Variants in STRIP2 observed in about 807,000 individuals in gnomAD.
STRIP2 encodes striatin-interacting protein 2.
STRIP2 carries 84 observed loss-of-function variants against 107.1 expected under a neutral mutation model. That is an observed-to-expected ratio of 0.78 (90% CI 0.66 to 0.94). STRIP2 has a LOEUF of 0.94. STRIP2 is among the 40% of genes least tolerant of loss of function. The pLI is 0.00. For missense variants in STRIP2, 888 were observed against 1,034.2 expected, an observed-to-expected ratio of 0.86 and a Z score of 1.94; for synonymous variants, 394 against 400.4, an observed-to-expected ratio of 0.98 and a Z score of 0.19.
At chr7:129,436,855 C>G (rs1371049735) in intron 1 of STRIP2, among the ~76,000 whole-genome samples, 1 of 152,108 alleles carries the variant, frequency 6.6e-6, no homozygotes, top group Admixed American at 6.6e-5. Context: ...GTGTGAACAT[C>G]CCAACCTAAA....
At chr7:129,448,444 C>T (rs1243476293) in intron 3 of STRIP2, among the ~76,000 whole-genome samples, 1 of 152,182 alleles carries the variant, frequency 6.6e-6, no homozygotes, top group African/African-American at 2.4e-5. Context: ...CTCAAGGGAA[C>T]CCGGCCTCCC....
chr7:129,483,231 T>A lies in STRIP2; in HGVS notation c.2254+185T>A. 1 of 1,327,434 alleles carries A rather than the reference T, an allele frequency of 7.5e-7. No individual in the cohort carries two copies. Among genetic ancestry groups the A allele is most frequent in the African/African-American group, 1.5e-5 (1 of 68,586 alleles). 82.2% of individuals were successfully genotyped at this position (1,327,434 alleles called of 1,614,324 possible). A position where few individuals can be genotyped will look rare whatever the true frequency, so the allele number is the denominator to read the frequency against. ...ATGCCTCAAATTCTAGTATGTACCCTTGTCCTATGTAAACTATGAAAATCC... is the reference window on the plus strand; with the variant it reads ...ATGCCTCAAATTCTAGTATGTACCCATGTCCTATGTAAACTATGAAAATCC... On this transcript the variant is annotated intron_variant, in intron 20 of 20. Coordinates refer to ENST00000249344, the MANE Select transcript of STRIP2 (RefSeq NM_020704.3). The surrounding 1 kb of genome is among the most constrained non-coding windows in gnomAD (Gnocchi z 5.1).
At chr7:129,451,476 T>A in intron 3 of STRIP2, 137 bp from the exon 4 acceptor site, 1 of 1,189,986 alleles carries the variant, frequency 8.4e-7, no homozygotes, top group Non-Finnish European at 1.2e-6. Context: ...TTATTCTTTC[T>A]CAGTGAAATA....
At chr7:129,482,407 T>C (rs995520110) in intron 19 of STRIP2, among the ~76,000 whole-genome samples, 3 of 136,940 alleles carry the variant, frequency 2.2e-5, no homozygotes, top group African/African-American at 8.1e-5. Context: ...AGACGGAGTC[T>C]TGCTCTGTCA....
intron 1 of STRIP2, among the ~76,000 whole-genome samples, chr7:129,438,598 T>A (rs1797814384): frequency 6.6e-6 from 1 of 152,162 alleles, no homozygotes; most frequent in Admixed American, 6.5e-5. Context: ...CAACTGGATG[T>A]CCTACAGTTC....
At chr7:129,472,627 G>T (rs1798812853) in intron 18 of STRIP2, among the ~76,000 whole-genome samples, 1 of 151,978 alleles carries the variant, frequency 6.6e-6, no homozygotes, top group Admixed American at 6.6e-5. Flanking sequence ...TAGGTCCTCA[G>T]TATGGTTTAT....
intron 19 of STRIP2, 106 bp from the exon 20 acceptor site, chr7:129,482,736 G>A: frequency 1.5e-6 from 2 of 1,323,388 alleles, no homozygotes; most frequent in South Asian, 2.6e-5. Context: ...ATTCCTGAAA[G>A]CTCCCCAGGA....
rs753878482 is a variant in STRIP2 at position 129,460,388 on chromosome 7, C to CCTA, written c.1476+18_1476+20dup. Reference sequence around the variant, plus strand: ...TATGTCTTTGGTGAGCCAAGGAAGCCCTACACAGGAGGAGAGTAGAAGAAA... The same window carrying CCTA: ...TATGTCTTTGGTGAGCCAAGGAAGCCCTACTACACAGGAGGAGAGTAGAAGAAA... On this transcript the variant is annotated intron_variant, in intron 13 of 20. Transcript: ENST00000249344. The CCTA allele has an allele frequency of 6.2e-7, 1 of 1,610,466 alleles. No individual in the cohort carries two copies. The highest frequency in any genetic ancestry group is 8.5e-7 in the Non-Finnish European group (1 of 1,177,602).
chr7:129,466,912 G>T (rs1412262169), intron 16 of STRIP2, among the ~76,000 whole-genome samples: 1 of 152,194 alleles, frequency 6.6e-6, no homozygotes, highest in East Asian at 1.9e-4. Context: ...TGGTTATTAT[G>T]TGCTGTCACC....
chr7:129,481,989 G>A (rs767438034), intron 19 of STRIP2, among the ~76,000 whole-genome samples: 8 of 151,718 alleles, frequency 5.3e-5, no homozygotes, highest in Non-Finnish European at 7.4e-5. Flanking sequence ...CCAACATGAT[G>A]AAACCCCATC....
rs373690551 is a variant in STRIP2 at position 129,463,003 on chromosome 7, T to C, written c.1514T>C (p.Leu505Pro). Residue 505 changes from leucine (L) to proline (P), a missense_variant, in exon 14 of 21, where the codon CTC (leucine) becomes CCC (proline). Coordinates refer to ENST00000249344, the MANE Select transcript of STRIP2 (RefSeq NM_020704.3). ...EVVPETPCEILYQGMLYSLPQ... is the reference protein window; with the variant it reads ...EVVPETPCEIPYQGMLYSLPQ... ...GTACCAGAGACGCCATGTGAAATCCTCTACCAGGGAATGCTGTACAGCCTT... is the reference window on the plus strand; with the variant it reads ...GTACCAGAGACGCCATGTGAAATCCCCTACCAGGGAATGCTGTACAGCCTT... 1.4e-5 allele frequency: 22 copies of C among 1,613,998 alleles called. No individual in the cohort carries two copies. Among genetic ancestry groups the C allele is most frequent in the Non-Finnish European group, 1.9e-5 (22 of 1,179,964 alleles).
At chr7:129,481,633 C>T (rs1000284331) in intron 19 of STRIP2, among the ~76,000 whole-genome samples, 16 of 149,202 alleles carry the variant, frequency 1.1e-4, no homozygotes, top group African/African-American at 3.0e-4. Context: ...AATGAGCAGC[C>T]GGGCTCAGTG....
intron 18 of STRIP2, among the ~76,000 whole-genome samples, chr7:129,477,415 A>AT (rs1193400394): frequency 6.6e-6 from 1 of 152,092 alleles, no homozygotes; most frequent in Non-Finnish European, 1.5e-5. Context: ...CATGGATAAA[A>AT]TTTTTTTAGC....
intron 15 of STRIP2, 152 bp downstream of exon 15, chr7:129,464,293 CT>C: frequency 1.5e-6 from 1 of 683,724 alleles, no homozygotes; most frequent in Non-Finnish European, 2.5e-6. Flanking sequence ...CCGTACAGGG[CT>C]TTCTGCTTGG....
rs778835983 is a variant in STRIP2, at chr7:129,480,814, G to A, written c.1974G>A (p.Trp658Ter). 1.9e-6 allele frequency: 3 copies of A among 1,613,944 alleles called. No homozygotes were observed. Among genetic ancestry groups the A allele is most frequent in the Non-Finnish European group, 2.5e-6 (3 of 1,179,936 alleles). ...LEAGDNSQFCWRNLFSCINLL... is the reference protein window; with the variant it reads ...LEAGDNSQFC ...CTGGAGACAACAGCCAGTTCTGCTGGAGGAACCTCTTTTCCTGCATCAACC... is the reference window on the plus strand; with the variant it reads ...CTGGAGACAACAGCCAGTTCTGCTGAAGGAACCTCTTTTCCTGCATCAACC... The change falls in exon 19 of 21, where the codon TGG becomes TGA. Residue 658 changes from tryptophan to a stop codon, truncating the protein, a stop_gained. Transcript: ENST00000249344. LOFTEE classifies it high-confidence loss of function.
At position 129,458,507 on chromosome 7, in the gene STRIP2, C is replaced by A; in HGVS notation, c.1274+57C>A. On this transcript the variant is annotated intron_variant, in intron 10 of 20. Coordinates refer to ENST00000249344, the MANE Select transcript of STRIP2 (RefSeq NM_020704.3). The surrounding 1 kb of genome is among the most constrained non-coding windows in gnomAD (Gnocchi z 4.6). Reference sequence around the variant, plus strand: ...TTCGGGGTTTCAGTCTCCAAAGGCCCAAGATGGGGTAGTCTATGTATTCAA... The same window carrying A: ...TTCGGGGTTTCAGTCTCCAAAGGCCAAAGATGGGGTAGTCTATGTATTCAA... 2 of 1,408,450 alleles carry A rather than the reference C, an allele frequency of 1.4e-6. No homozygotes were observed. The highest frequency in any genetic ancestry group is 9.6e-7 in the Non-Finnish European group (1 of 1,044,238). The allele number at this position is 1,408,450 out of a possible 1,614,324, so 87.2% of individuals were successfully genotyped here. A position where few individuals can be genotyped will look rare whatever the true frequency, so the allele number is the denominator to read the frequency against.
chr7:129,457,308 A>G (rs573114636), intron 9 of STRIP2, among the ~76,000 whole-genome samples: 32 of 152,358 alleles, frequency 2.1e-4, no homozygotes, highest in Admixed American at 7.2e-4. Context: ...GCAGGTTACT[A>G]TACCGAACAC....
At chr7:129,455,151 G>A in intron 7 of STRIP2, 93 bp from the exon 8 acceptor site, 3 of 1,447,614 alleles carry the variant, frequency 2.1e-6, no homozygotes, top group African/African-American at 1.4e-5. Context: ...GGAGGTGAGT[G>A]CCTTCCTGTG....
At chr7:129,477,078 G>A (rs1053643110) in intron 18 of STRIP2, among the ~76,000 whole-genome samples, 1 of 151,556 alleles carries the variant, frequency 6.6e-6, no homozygotes, top group Non-Finnish European at 1.5e-5. Flanking sequence ...GGCAGGCTGA[G>A]GCAGGAGAAT....
Sources: gnomAD v4.1 joint callset for allele counts (sites outside exome capture counted in the v4.1 genomes callset) on GRCh38, gnomAD v4.1.1 for gene constraint, Gnocchi (gnomAD v3.1) non-coding constraint, MANE v1.5 for transcripts, NCBI Gene and HGNC (gene_info 2026-07-23, HGNC 2026-07-21) for gene names.